The following ANKFN1 variants were observed in gnomAD, a reference collection of about 807,000 sequenced individuals.
The protein encoded by ANKFN1 is ankyrin repeat and fibronectin type III domain containing 1.
In ANKFN1, 74 loss-of-function variants were observed where a neutral mutation model predicts 108.7. The ratio of observed to expected loss-of-function variants is 0.68; its 90% CI spans 0.56 to 0.83. ANKFN1 has a LOEUF of 0.83. Ranked by LOEUF, ANKFN1 falls within the 40% of genes least tolerant of loss-of-function variation. ANKFN1 has a pLI of 0.00. For missense variants in ANKFN1, 1,505 were observed against 1,382.3 expected (o/e 1.09, Z -1.41); for synonymous variants, 547 against 516.2 (o/e 1.06, Z -0.81).
At chr17:56,083,772 C>T (rs1178144537) in intron 4 of ANKFN1, among the ~76,000 whole-genome samples, 1 of 151,272 alleles carries the variant, frequency 6.6e-6, no homozygotes, top group Non-Finnish European at 1.5e-5. Flanking sequence ...ATCAGATGTT[C>T]AAGCTCAAAT....
chr17:56,341,658 A>G (rs2045962334), intron 4 of ANKFN1, among the ~76,000 whole-genome samples: 1 of 151,884 alleles, frequency 6.6e-6, no homozygotes, highest in Non-Finnish European at 1.5e-5. Flanking sequence ...GATGAAGCCT[A>G]TTTCATCATG....
chr17:56,235,174 C>T (rs544145708), intron 3 of ANKFN1, among the ~76,000 whole-genome samples: 5 of 152,160 alleles, frequency 3.3e-5, no homozygotes, highest in East Asian at 1.9e-4. Flanking sequence ...TGTTCATGTC[C>T]ATTGCCCACT....
intron 8 of ANKFN1, among the ~76,000 whole-genome samples, chr17:56,421,289 T>C (rs1348347073): frequency 6.6e-6 from 1 of 152,210 alleles, no homozygotes; most frequent in Non-Finnish European, 1.5e-5. Flanking sequence ...AGGAATGAGA[T>C]GCCTCAATGA....
intron 3 of ANKFN1, among the ~76,000 whole-genome samples, chr17:56,274,851 T>C (rs1598338979): frequency 6.6e-6 from 1 of 152,200 alleles, no homozygotes; most frequent in South Asian, 2.1e-4. Context: ...GGACCCAAGG[T>C]TAAAGGCCAT....
chr17:56,334,967 A>G (rs984839987), intron 4 of ANKFN1, among the ~76,000 whole-genome samples: 1 of 152,126 alleles, frequency 6.6e-6, no homozygotes, highest in Non-Finnish European at 1.5e-5. Context: ...TTCCAGCACC[A>G]TTTATTAAAT....
At chr17:56,170,997 G>A (rs1910646607) in intron 1 of ANKFN1, among the ~76,000 whole-genome samples, 1 of 151,536 alleles carries the variant, frequency 6.6e-6, no homozygotes, top group Non-Finnish European at 1.5e-5. Context: ...GGAAGGAAAT[G>A]GAGAGCAGGC....
At chr17:56,065,827 G>A (rs1019982117) in intron 4 of ANKFN1, among the ~76,000 whole-genome samples, 8 of 152,182 alleles carry the variant, frequency 5.3e-5, no homozygotes, top group Non-Finnish European at 8.8e-5. Context: ...GAAAAAGTTT[G>A]AAATATTCTG....
intron 1 of ANKFN1, chr17:56,185,046 T>C (rs1234448572): frequency 1.3e-5 from 2 of 152,210 alleles, no homozygotes; most frequent in African/African-American, 4.8e-5. Flanking sequence ...GAATTTGTCT[T>C]TTTTGTGGAG....
intron 8 of ANKFN1, among the ~76,000 whole-genome samples, chr17:56,381,007 C>A (rs1175868622): frequency 6.6e-6 from 1 of 152,180 alleles, no homozygotes; most frequent in Non-Finnish European, 1.5e-5. Context: ...TGACCCCTGA[C>A]CTCCAAGCAG....
intron 15 of ANKFN1, among the ~76,000 whole-genome samples, chr17:56,474,127 A>G (rs1269581163): frequency 6.6e-6 from 1 of 152,196 alleles, no homozygotes; most frequent in African/African-American, 2.4e-5. Flanking sequence ...AATTTGATGC[A>G]CACATTCTTG....
chr17:56,197,339 G>A (rs1913614849), intron 1 of ANKFN1, among the ~76,000 whole-genome samples: 1 of 152,188 alleles, frequency 6.6e-6, no homozygotes, highest in African/African-American at 2.4e-5. Context: ...ATAGAAAGTA[G>A]GAAACACTGA....
chr17:56,384,371 C>G (rs916653340), intron 8 of ANKFN1, among the ~76,000 whole-genome samples: 1 of 152,174 alleles, frequency 6.6e-6, no homozygotes, highest in Non-Finnish European at 1.5e-5. Context: ...CAGCCAATAT[C>G]ATACTGAATG....
intron 4 of ANKFN1, among the ~76,000 whole-genome samples, chr17:56,113,495 C>T (rs1010401533): frequency 1.3e-5 from 2 of 152,132 alleles, no homozygotes; most frequent in African/African-American, 4.8e-5. Flanking sequence ...AGAAAACAAG[C>T]TGGTGAAGTC....
intron 4 of ANKFN1, among the ~76,000 whole-genome samples, chr17:56,084,648 A>G (rs1267893764): frequency 6.6e-6 from 1 of 151,470 alleles, no homozygotes; most frequent in East Asian, 1.9e-4. Context: ...AAAAGGTGGG[A>G]AAACAGAATG....
intron 4 of ANKFN1, among the ~76,000 whole-genome samples, chr17:56,083,234 T>C (rs1279199315): frequency 6.6e-6 from 1 of 151,294 alleles, no homozygotes; most frequent in African/African-American, 2.4e-5. Context: ...TTGCAGGTGC[T>C]CAATAAAGGT....
At chr17:56,072,813 G>A (rs1393305907) in intron 4 of ANKFN1, among the ~76,000 whole-genome samples, 3 of 152,148 alleles carry the variant, frequency 2.0e-5, no homozygotes, top group Non-Finnish European at 4.4e-5. Flanking sequence ...AAGTGCAGAT[G>A]AGGAGAGGAG....
chr17:56,513,726 G>A lies in ANKFN1; in HGVS notation c.*2457G>A, dbSNP rs1305648583. ...CTGCTATTTTATATTGGGGACATAA[G>A]GTTACTTTTTCATCTTCTGTGAGGA... On this transcript the variant is annotated 3_prime_UTR_variant, in exon 21 of 21. Coordinates refer to ENST00000682825, the MANE Select transcript of ANKFN1 (RefSeq NM_001370326.1). Among the ~76,000 whole-genome samples, 1 of 152,156 alleles carries A rather than the reference G, an allele frequency of 6.6e-6. No homozygotes were observed. The highest frequency in any genetic ancestry group is 1.5e-5 in the Non-Finnish European group (1 of 68,026).
chr17:56,439,804 G>T (rs1188724187), intron 8 of ANKFN1, among the ~76,000 whole-genome samples: 1 of 152,198 alleles, frequency 6.6e-6, no homozygotes, highest in Non-Finnish European at 1.5e-5. Context: ...GCAGATGTCA[G>T]ACTTGGAGAG....
intron 8 of ANKFN1, among the ~76,000 whole-genome samples, chr17:56,399,928 G>GAT (rs1443652693): frequency 6.9e-6 from 1 of 144,172 alleles, no homozygotes; most frequent in Non-Finnish European, 1.5e-5. Flanking sequence ...TATATATAGT[G>GAT]ATATATATAC....
Sources: gnomAD v4.1 joint callset for allele counts (sites outside exome capture counted in the v4.1 genomes callset) on GRCh38, gnomAD v4.1.1 for gene constraint, MANE v1.5 for transcripts, NCBI Gene and HGNC (gene_info 2026-07-23, HGNC 2026-07-21) for gene names.